MGAT4C: variants seen among roughly 807,000 people sequenced by gnomAD.
MGAT4C encodes MGAT4 family member C.
MGAT4C carries 19 observed loss-of-function variants against 40.1 expected under a neutral mutation model. The observed-to-expected ratio is 0.47, with a 90% CI of 0.33 to 0.70. The LOEUF is 0.70. MGAT4C is among the 30% of genes least tolerant of loss of function. The pLI, the probability that MGAT4C is intolerant of heterozygous loss-of-function variation, is 0.02. For synonymous variants in MGAT4C, 181 were observed against 187.1 expected (o/e 0.97, Z 0.27); for missense variants, 491 against 563.2 (o/e 0.87, Z 1.30).
chr12:86,012,063 C>A (rs1453272326), intron 2 of MGAT4C, among the ~76,000 whole-genome samples: 1 of 152,126 alleles, frequency 6.6e-6, no homozygotes, highest in Non-Finnish European at 1.5e-5. Context: ...TTGATTGTTA[C>A]AGATTAGGTT....
At chr12:86,767,170 T>C (rs1951525887) in intron 1 of MGAT4C, among the ~76,000 whole-genome samples, 1 of 152,132 alleles carries the variant, frequency 6.6e-6, no homozygotes. Flanking sequence ...CAATAAAAAA[T>C]GATAAAGGGG....
chr12:86,660,782 G>C (rs940026245), intron 2 of MGAT4C, among the ~76,000 whole-genome samples: 5 of 152,000 alleles, frequency 3.3e-5, no homozygotes, highest in African/African-American at 1.2e-4. Flanking sequence ...GCACAGGGAG[G>C]GTTTGTTCCT....
chr12:86,674,990 CA>C (rs1964354404), intron 2 of MGAT4C, among the ~76,000 whole-genome samples: 2 of 152,272 alleles, frequency 1.3e-5, no homozygotes, highest in South Asian at 4.1e-4. Flanking sequence ...CAATTAACCT[CA>C]TTTTACCTTC....
chr12:86,044,296 TG>T (rs1380743191), intron 2 of MGAT4C, among the ~76,000 whole-genome samples: 1 of 152,070 alleles, frequency 6.6e-6, no homozygotes, highest in African/African-American at 2.4e-5. Flanking sequence ...ATCCCATGGA[TG>T]GTGCCAGCCA....
intron 2 of MGAT4C, among the ~76,000 whole-genome samples, chr12:86,511,767 A>T (rs766587410): frequency 3.3e-5 from 5 of 152,148 alleles, no homozygotes; most frequent in African/African-American, 4.8e-5. Context: ...TTAGATGTAA[A>T]TAAAGGCTTA....
chr12:86,806,450 G>GTGAGAC (rs34463418), intron 1 of MGAT4C, among the ~76,000 whole-genome samples: 1 of 23,070 alleles, frequency 4.3e-5, no homozygotes, highest in Non-Finnish European at 1.9e-4. Flanking sequence ...GTGTGTGTGT[G>GTGAGAC]AGAGAGAGAG....
intron 1 of MGAT4C, among the ~76,000 whole-genome samples, chr12:86,837,245 T>G (rs1953055642): frequency 6.6e-6 from 1 of 152,138 alleles, no homozygotes. Context: ...GTTCCTCAAT[T>G]CCTGTAAAGT....
intron 1 of MGAT4C, among the ~76,000 whole-genome samples, chr12:86,206,115 T>A (rs549337764): frequency 4.6e-5 from 7 of 152,116 alleles, no homozygotes; most frequent in Non-Finnish European, 1.0e-4. Flanking sequence ...TGAAACTTAA[T>A]CCCCAATGTG....
intron 1 of MGAT4C, among the ~76,000 whole-genome samples, chr12:86,223,206 G>T (rs571937630): frequency 1.3e-5 from 2 of 152,310 alleles, no homozygotes; most frequent in Admixed American, 1.3e-4. Flanking sequence ...GCTGCCGAGG[G>T]TTGTTGAGGA....
chr12:86,357,673 G>A (rs1224088076), intron 3 of MGAT4C, among the ~76,000 whole-genome samples: 2 of 152,152 alleles, frequency 1.3e-5, no homozygotes, highest in Admixed American at 6.5e-5. Context: ...CAAGAACTAT[G>A]TGACACAGGT....
chr12:86,424,194 C>A (rs1956881698), intron 3 of MGAT4C, among the ~76,000 whole-genome samples: 1 of 152,188 alleles, frequency 6.6e-6, no homozygotes, highest in African/African-American at 2.4e-5. Context: ...GTTCCAGAAT[C>A]ATTGCAGCCA....
intron 3 of MGAT4C, among the ~76,000 whole-genome samples, chr12:86,361,873 T>C (rs1177589377): frequency 2.0e-5 from 3 of 152,174 alleles, no homozygotes; most frequent in South Asian, 2.1e-4. Flanking sequence ...CAGGAATTCC[T>C]TTACCCTGTT....
chr12:86,536,231 A>G (rs1324346498), intron 2 of MGAT4C, among the ~76,000 whole-genome samples: 1 of 152,106 alleles, frequency 6.6e-6, no homozygotes, highest in African/African-American at 2.4e-5. Context: ...AAGAAAACAC[A>G]TATCTGGATA....
chr12:86,726,014 T>C (rs1477139058), intron 2 of MGAT4C, among the ~76,000 whole-genome samples: 1 of 152,146 alleles, frequency 6.6e-6, no homozygotes, highest in Non-Finnish European at 1.5e-5. Flanking sequence ...ACACTTCAAA[T>C]CCTTCACAAA....
intron 2 of MGAT4C, among the ~76,000 whole-genome samples, chr12:86,601,958 G>T (rs1961799979): frequency 6.6e-6 from 1 of 152,186 alleles, no homozygotes; most frequent in South Asian, 2.1e-4. Context: ...GTGTCTCCGA[G>T]CTTTGGGGTG....
At chr12:86,320,517 A>G (rs1004051201) in intron 4 of MGAT4C, among the ~76,000 whole-genome samples, 1 of 152,166 alleles carries the variant, frequency 6.6e-6, no homozygotes, top group Admixed American at 6.6e-5. Context: ...AGAATTTGCC[A>G]TGTACCAAAA....
chr12:86,292,132 A>G (rs2406116), intron 4 of MGAT4C, among the ~76,000 whole-genome samples: 101,020 of 151,968 alleles, frequency 0.66, 34,121 homozygotes, highest in South Asian at 0.78. Context: ...TCAGGAAGGA[A>G]TTAGCAACAG....
intron 4 of MGAT4C, among the ~76,000 whole-genome samples, chr12:86,291,201 T>C (rs970989856): frequency 3.9e-5 from 6 of 152,146 alleles, no homozygotes; most frequent in Non-Finnish European, 8.8e-5. Flanking sequence ...TACCTGAAAC[T>C]GACTGGAAGC....
intron 4 of MGAT4C, among the ~76,000 whole-genome samples, chr12:86,296,765 C>G (rs897532029): frequency 6.6e-6 from 1 of 152,214 alleles, no homozygotes; most frequent in Non-Finnish European, 1.5e-5. Context: ...AGTTCCTGCT[C>G]GCGCCTCTCC....
Sources: allele counts gnomAD v4.1 joint callset (sites outside exome capture counted in the v4.1 genomes callset), GRCh38; gene constraint gnomAD v4.1.1; transcripts MANE v1.5; gene names NCBI Gene and HGNC (gene_info 2026-07-23, HGNC 2026-07-21).